ITGB1: variants seen among roughly 807,000 people sequenced by gnomAD.
The protein encoded by ITGB1 is integrin beta-1.
Under a neutral mutation model 86.5 loss-of-function variants are expected in ITGB1, and 24 were observed. That is an observed-to-expected ratio of 0.28 (90% CI 0.20 to 0.39). The LOEUF is 0.39. ITGB1 is among the 10% of genes least tolerant of loss of function. The pLI, the probability that ITGB1 is intolerant of heterozygous loss-of-function variation, is 1.00. For synonymous variants in ITGB1, 323 were observed against 316.8 expected (o/e 1.02, Z -0.21); for missense variants, 556 against 946.9 (o/e 0.59, Z 5.42).
chr10:32,922,618 T>A (rs535444766), intron 8 of ITGB1, 22 bp downstream of exon 8: 1 of 1,380,838 alleles, frequency 7.2e-7, no homozygotes, highest in African/African-American at 1.4e-5. Context: ...AGAATCTTGT[T>A]CTTTTTATCT....
At chr10:32,921,173 A>AAC (rs939929582) in intron 9 of ITGB1, among the ~76,000 whole-genome samples, 2 of 151,424 alleles carry the variant, frequency 1.3e-5, no homozygotes, top group Non-Finnish European at 3.0e-5. Flanking sequence ...CAAAAAAAAA[A>AAC]AAAAACAAAA....
intron 11 of ITGB1, among the ~76,000 whole-genome samples, chr10:32,914,152 C>A (rs1418965743): frequency 5.9e-5 from 9 of 152,312 alleles, no homozygotes; most frequent in Non-Finnish European, 1.2e-4. Context: ...CTTACAAGAG[C>A]TCCTGAAGGA....
intron 11 of ITGB1, among the ~76,000 whole-genome samples, chr10:32,914,534 A>T (rs2094925422): frequency 6.6e-6 from 1 of 152,176 alleles, no homozygotes; most frequent in African/African-American, 2.4e-5. Flanking sequence ...GAAAAAACAG[A>T]CTTTAAACCA....
chr10:32,929,320 A>C (rs923334206), intron 4 of ITGB1, among the ~76,000 whole-genome samples: 1 of 152,152 alleles, frequency 6.6e-6, no homozygotes, highest in African/African-American at 2.4e-5. Flanking sequence ...CCGGGAGGGA[A>C]GTCAGGGGAC....
chr10:32,923,244 CAA>C (rs1304193560), intron 7 of ITGB1, among the ~76,000 whole-genome samples: 2 of 152,058 alleles, frequency 1.3e-5, no homozygotes, highest in African/African-American at 4.8e-5. Flanking sequence ...TCGTATAAAA[CAA>C]AGAGTATGAG....
At chr10:32,945,856 ATTT>A (rs2095030263) in intron 1 of ITGB1, among the ~76,000 whole-genome samples, 1 of 152,130 alleles carries the variant, frequency 6.6e-6, no homozygotes, top group Non-Finnish European at 1.5e-5. Context: ...TGCTGTATTT[ATTT>A]TGTTGTTAAA....
chr10:32,905,777 T>TA (rs2094894575), intron 15 of ITGB1, among the ~76,000 whole-genome samples: 1 of 152,216 alleles, frequency 6.6e-6, no homozygotes, highest in Admixed American at 6.5e-5. Flanking sequence ...GATTTTTATG[T>TA]AAGTGTTCCC....
At chr10:32,913,787 C>A (rs1354200431) in intron 11 of ITGB1, among the ~76,000 whole-genome samples, 8 of 152,084 alleles carry the variant, frequency 5.3e-5, no homozygotes, top group African/African-American at 1.9e-4. Context: ...CAAGGCAGGC[C>A]AACATTCAAA....
At chr10:32,904,003 C>G (rs374613688) in intron 15 of ITGB1, among the ~76,000 whole-genome samples, 1 of 93,816 alleles carries the variant, frequency 1.1e-5, no homozygotes. Context: ...AAGGGAAGGA[C>G]AAAAAAAAAA....
chr10:32,948,637 A>C (rs2095036760), intron 1 of ITGB1, among the ~76,000 whole-genome samples: 1 of 152,206 alleles, frequency 6.6e-6, no homozygotes, highest in Non-Finnish European at 1.5e-5. Flanking sequence ...CTATTACCAC[A>C]GGAGTGGAGA....
At position 32,937,254 on chromosome 10, in the gene ITGB1, CA is replaced by C. The variant is rs2095005014; in HGVS notation, c.1-1697del. ...TATTAGTCATTGCAATAATAAAATG[CA>C]GCAACATTTAGAGTTATAGAGGGCC... On this transcript the variant is annotated intron_variant, in intron 1 of 15. Transcript: ENST00000302278. Among the ~76,000 whole-genome samples the C allele has an allele frequency of 2.6e-5, 4 of 152,136 alleles. No homozygotes were observed. In the East Asian group the frequency reaches 7.7e-4, roughly 29 times the overall value.
At chr10:32,920,129 T>C in intron 10 of ITGB1, 45 bp from the exon 11 acceptor site, 1 of 1,571,918 alleles carries the variant, frequency 6.4e-7, no homozygotes. Context: ...ACAATTTAAA[T>C]CTACTAAAAA....
At chr10:32,938,025 A>G (rs1332092396) in intron 1 of ITGB1, among the ~76,000 whole-genome samples, 2 of 152,230 alleles carry the variant, frequency 1.3e-5, no homozygotes, top group African/African-American at 4.8e-5. Flanking sequence ...CACTTCTGCA[A>G]TCGTGCTCAG....
rs2094963193 is a variant in ITGB1, at chr10:32,925,969, C to G, written c.688G>C (p.Glu230Gln). Residue 230 changes from glutamate to glutamine, a missense_variant, in exon 6 of 16, where the codon GAA (glutamate) becomes CAA (glutamine). Around this residue, in one of 4 missense-constraint regions of ITGB1, gnomAD observed 183 missense variants for 263.9 expected, o/e 0.69. Transcript: ENST00000302278. Reference sequence around the variant, plus strand: ...TTTCCAACAAGTTCATTAAATACTTCTCCTTTATTAGTAAGACTGAGCACA... The same window carrying G: ...TTTCCAACAAGTTCATTAAATACTTGTCCTTTATTAGTAAGACTGAGCACA... ...KNVLSLTNKG[E>Q]VFNELVGKQR... 6.2e-7 allele frequency: 1 copy of G among 1,613,940 alleles called. No individual in the cohort carries two copies. Among genetic ancestry groups the G allele is most frequent in the South Asian group, 1.1e-5 (1 of 91,090 alleles).
chr10:32,909,783 AT>A (rs60067698), intron 14 of ITGB1, among the ~76,000 whole-genome samples: 1,564 of 152,196 alleles, frequency 0.01, 41 homozygotes, highest in African/African-American at 0.036. Flanking sequence ...GAAAACTAAG[AT>A]TAAAAAAAAA....
At chr10:32,914,290 A>G (rs1010299796) in intron 11 of ITGB1, among the ~76,000 whole-genome samples, 3 of 152,224 alleles carry the variant, frequency 2.0e-5, no homozygotes, top group African/African-American at 7.2e-5. Context: ...CATCATAATG[A>G]CAGGATCAAA....
chr10:32,905,688 A>G (rs2094894234), intron 15 of ITGB1, among the ~76,000 whole-genome samples: 1 of 152,242 alleles, frequency 6.6e-6, no homozygotes, highest in African/African-American at 2.4e-5. Context: ...CAGTTTTCTC[A>G]TATGTAAAAC....
At position 32,911,772 on chromosome 10, in the gene ITGB1, G is replaced by A. The variant is rs148202359; in HGVS notation, c.1709-102C>T. The A allele has an allele frequency of 4.7e-4, 670 of 1,434,838 alleles. 6 individuals carry two copies. In the East Asian group the frequency reaches 0.012, roughly 27 times the overall value. 88.9% of individuals were successfully genotyped at this position (1,434,838 alleles called of 1,614,324 possible). ...CAACATGTGAGAAAGTATACCTAGGGGCGAGACTGACCCTCAAGCTACCCC... is the reference window on the plus strand; with the variant it reads ...CAACATGTGAGAAAGTATACCTAGGAGCGAGACTGACCCTCAAGCTACCCC... On this transcript the variant is annotated intron_variant, in intron 12 of 15. Transcript: ENST00000302278.
At chr10:32,905,230 C>T (rs2094892799) in intron 15 of ITGB1, among the ~76,000 whole-genome samples, 1 of 152,096 alleles carries the variant, frequency 6.6e-6, no homozygotes, top group Non-Finnish European at 1.5e-5. Context: ...AAAAATCTTA[C>T]GGTCTACTTA....
Sources: gnomAD v4.1 joint callset for allele counts (sites outside exome capture counted in the v4.1 genomes callset) on GRCh38, gnomAD v4.1.1 for gene constraint, gnomAD v4.1.1 regional missense constraint, MANE v1.5 for transcripts, NCBI Gene and HGNC (gene_info 2026-07-23, HGNC 2026-07-21) for gene names.